The following PPM1L variants were observed in gnomAD, a reference collection of about 807,000 sequenced individuals.
PPM1L encodes the protein protein phosphatase 1L.
Under a neutral mutation model 31.4 loss-of-function variants are expected in PPM1L, and 13 were observed. The ratio of observed to expected loss-of-function variants is 0.41; its 90% CI spans 0.27 to 0.66. The LOEUF is 0.66. Ranked by LOEUF, PPM1L falls within the 30% of genes least tolerant of loss-of-function variation. The probability of loss-of-function intolerance (pLI) is 0.29; values close to 1 mark genes in which losing one functional copy is unlikely to be tolerated. For missense variants in PPM1L, 326 were observed against 453.7 expected, an observed-to-expected ratio of 0.72 and a Z score of 2.56; for synonymous variants, 184 against 175.4, an observed-to-expected ratio of 1.05 and a Z score of -0.39.
At position 161,070,402 on chromosome 3, in the gene PPM1L, C is replaced by A. The variant is rs1719870558; in HGVS notation, c.*1245C>A. 1 of 152,172 alleles carries A rather than the reference C, an allele frequency of 6.6e-6. No individual in the cohort carries two copies. The highest frequency in any genetic ancestry group is 1.5e-5 in the Non-Finnish European group (1 of 68,036). The allele number at this position is 152,172 out of a possible 1,614,324, so 9.4% of individuals were successfully genotyped here. On this transcript the variant is annotated 3_prime_UTR_variant, in exon 4 of 4. Coordinates refer to ENST00000498165, the MANE Select transcript of PPM1L (RefSeq NM_139245.4). ...CTTTCCCCAGGCAAATACAAACCGC[C>A]CCGTGGCCTGCAGGCCTGCAGGGGA...
At chr3:161,046,136 CAATG>C (rs1334360194) in intron 2 of PPM1L, among the ~76,000 whole-genome samples, 1 of 75,968 alleles carries the variant, frequency 1.3e-5, no homozygotes, top group African/African-American at 6.2e-5. Context: ...AAAAAAAAAT[CAATG>C]AATACAGGAG....
chr3:161,057,796 C>G (rs1461312709), intron 2 of PPM1L, among the ~76,000 whole-genome samples: 1 of 151,902 alleles, frequency 6.6e-6, no homozygotes, highest in Non-Finnish European at 1.5e-5. Flanking sequence ...TTTTGTAGCC[C>G]CAACACTGAA....
At chr3:160,862,932 A>T (rs1238055725) in intron 1 of PPM1L, among the ~76,000 whole-genome samples, 1 of 152,174 alleles carries the variant, frequency 6.6e-6, no homozygotes, top group Non-Finnish European at 1.5e-5. Context: ...TAGGAGAAAA[A>T]TAAAAAATCA....
chr3:160,764,759 C>T (rs981068735), intron 1 of PPM1L, among the ~76,000 whole-genome samples: 6 of 152,152 alleles, frequency 3.9e-5, no homozygotes, highest in Admixed American at 1.3e-4. Context: ...TGTGCCACCA[C>T]GCCTGGCCTA....
Position 160,791,251 on chromosome 3 carries a change from C to T in PPM1L, c.399+34544C>T, listed in dbSNP as rs140690925. Among the ~76,000 whole-genome samples the T allele has an allele frequency of 5.3e-5, 8 of 152,220 alleles. No homozygotes were observed. In the East Asian group the frequency reaches 1.2e-3, roughly 22 times the overall value. Reference sequence around the variant, plus strand: ...AAAGAAGGAGTGGAAAAGGCATAGGCTTAGAGTCAGTCAGATGCAAAATCA... The same window carrying T: ...AAAGAAGGAGTGGAAAAGGCATAGGTTTAGAGTCAGTCAGATGCAAAATCA... On this transcript the variant is annotated intron_variant, in intron 1 of 3. Coordinates refer to ENST00000498165, the MANE Select transcript of PPM1L (RefSeq NM_139245.4).
chr3:160,796,151 G>A (rs970324652), intron 1 of PPM1L, among the ~76,000 whole-genome samples: 1 of 152,170 alleles, frequency 6.6e-6, no homozygotes, highest in South Asian at 2.1e-4. Flanking sequence ...TTTTATGTAC[G>A]TATATGATGT....
chr3:160,914,531 C>T (rs1714089472), intron 1 of PPM1L, among the ~76,000 whole-genome samples: 1 of 149,376 alleles, frequency 6.7e-6, no homozygotes, highest in Non-Finnish European at 1.5e-5. Flanking sequence ...TGAGTGAGAA[C>T]ATACAGTGTT....
Position 160,951,588 on chromosome 3 carries a change from C to T in PPM1L, c.400-10148C>T, listed in dbSNP as rs547571136. On this transcript the variant is annotated intron_variant, in intron 1 of 3. Coordinates refer to ENST00000498165, the MANE Select transcript of PPM1L (RefSeq NM_139245.4). The stretch of plus-strand genomic sequence containing the variant: ...AACATCCATCTGCAATTAGGGAAGC[C>T]ATCATACAGAAAGTGGGATTTGAGT... Among the ~76,000 whole-genome samples, 4 of 152,190 alleles carry T rather than the reference C, an allele frequency of 2.6e-5. No homozygotes were observed. In the East Asian group the frequency reaches 7.7e-4, roughly 29 times the overall value.
intron 2 of PPM1L, among the ~76,000 whole-genome samples, chr3:161,051,030 A>T (rs9873705): frequency 0.44 from 67,016 of 151,982 alleles, 15,955 homozygotes; most frequent in East Asian, 0.7. Context: ...GTCAAGAACC[A>T]TATTAAACTA....
chr3:160,962,915 G>A (rs1404137538), intron 2 of PPM1L, among the ~76,000 whole-genome samples: 1 of 151,276 alleles, frequency 6.6e-6, no homozygotes, highest in Non-Finnish European at 1.5e-5. Context: ...TCCCTCTCAA[G>A]CAGGATCTGT....
intron 2 of PPM1L, among the ~76,000 whole-genome samples, chr3:161,063,602 A>G (rs1212518365): frequency 6.6e-6 from 1 of 152,146 alleles, no homozygotes; most frequent in East Asian, 1.9e-4. Flanking sequence ...ATTGTGGAAG[A>G]CAGTGTGGCA....
chr3:160,998,006 A>G lies in PPM1L; in HGVS notation c.574+36096A>G, dbSNP rs184857133. Among the ~76,000 whole-genome samples, 20 of 152,316 alleles carry G rather than the reference A, an allele frequency of 1.3e-4. No homozygotes were observed. In the East Asian group the frequency reaches 3.9e-3, roughly 29 times the overall value. On this transcript the variant is annotated intron_variant, in intron 2 of 3. Transcript: ENST00000498165. ...AATAGGTTTGAGGAAAATTTTCAGAAGAGCATATCACAGAACATATTTGGA... is the reference window on the plus strand; with the variant it reads ...AATAGGTTTGAGGAAAATTTTCAGAGGAGCATATCACAGAACATATTTGGA...
chr3:160,829,225 C>T (rs1467746301), intron 1 of PPM1L, among the ~76,000 whole-genome samples: 2 of 148,662 alleles, frequency 1.3e-5, no homozygotes, highest in African/African-American at 2.5e-5. Flanking sequence ...AGCAAAACTC[C>T]ACCCTTGATA....
chr3:161,017,726 T>G (rs1718125696), intron 2 of PPM1L, among the ~76,000 whole-genome samples: 1 of 152,188 alleles, frequency 6.6e-6, no homozygotes, highest in Non-Finnish European at 1.5e-5. Context: ...TTTATAAGAA[T>G]AAATCTATTT....
At chr3:161,004,616 G>C (rs1717636065) in intron 2 of PPM1L, among the ~76,000 whole-genome samples, 1 of 149,558 alleles carries the variant, frequency 6.7e-6, no homozygotes, top group African/African-American at 2.5e-5. Context: ...AGATTTTCTA[G>C]TTTATTTGCA....
At chr3:160,984,575 T>A (rs1035469461) in intron 2 of PPM1L, among the ~76,000 whole-genome samples, 24 of 152,138 alleles carry the variant, frequency 1.6e-4, no homozygotes, top group Non-Finnish European at 3.2e-4. Flanking sequence ...GTATAGGAAA[T>A]CACAAGAGTA....
chr3:160,936,378 A>G (rs958401237), intron 1 of PPM1L, among the ~76,000 whole-genome samples: 4 of 152,192 alleles, frequency 2.6e-5, no homozygotes, highest in Non-Finnish European at 4.4e-5. Flanking sequence ...GGCATGAGCC[A>G]CTGTGCCTGG....
At chr3:160,941,042 A>G (rs1240603369) in intron 1 of PPM1L, among the ~76,000 whole-genome samples, 1 of 152,086 alleles carries the variant, frequency 6.6e-6, no homozygotes, top group Admixed American at 6.6e-5. Flanking sequence ...GGAGTCAAAG[A>G]TCGTTTTGGA....
chr3:160,997,167 G>T (rs2108048678), intron 2 of PPM1L, among the ~76,000 whole-genome samples: 1 of 152,258 alleles, frequency 6.6e-6, no homozygotes, highest in South Asian at 2.1e-4. Context: ...TCAAGGAGTA[G>T]ATGGTCTATG....
Sources: gnomAD v4.1 joint callset for allele counts (sites outside exome capture counted in the v4.1 genomes callset) on GRCh38, gnomAD v4.1.1 for gene constraint, MANE v1.5 for transcripts, NCBI Gene and HGNC (gene_info 2026-07-23, HGNC 2026-07-21) for gene names.